Variants in FAM149A observed in about 807,000 individuals in gnomAD.
FAM149A encodes the protein protein FAM149A.
A neutral mutation model predicts 78.2 loss-of-function variants in FAM149A; 71 were observed. The observed-to-expected ratio is 0.91, with a 90% CI of 0.75 to 1.11. The LOEUF is 1.11. Ranked by LOEUF, FAM149A falls within the 50% of genes least tolerant of loss-of-function variation. The pLI is 0.00. For synonymous variants in FAM149A, 446 were observed against 410.5 expected (o/e 1.09, Z -1.04); for missense variants, 1,036 against 971.0 (o/e 1.07, Z -0.89).
At chr4:186,117,521 C>T (rs1348119138) in intron 1 of FAM149A, 1 of 985,214 alleles carries the variant, frequency 1.0e-6, no homozygotes, top group Non-Finnish European at 1.2e-6. Flanking sequence ...AAAGAATGTC[C>T]AAAAGTGGGG....
At chr4:186,139,316 A>G (rs1435600783) in intron 1 of FAM149A, among the ~76,000 whole-genome samples, 1 of 152,116 alleles carries the variant, frequency 6.6e-6, no homozygotes, top group Non-Finnish European at 1.5e-5. Flanking sequence ...GGAGAATAGT[A>G]TTTGGTGTGG....
chr4:186,157,535 C>G lies in FAM149A; in HGVS notation c.1421-30C>G, dbSNP rs1226505323. The G allele has an allele frequency of 2.5e-6, 4 of 1,602,444 alleles. No homozygotes were observed. In the African/African-American group the frequency reaches 5.4e-5, roughly 21 times the overall value. ...ATTTGTATTAGATAATCTGATGTTT[C>G]TTGTAATATTGATTCTTCTGTTGAC... On this transcript the variant is annotated intron_variant, in intron 7 of 13. Coordinates refer to ENST00000389354, the MANE Select transcript of FAM149A (RefSeq NM_001367768.3).
At chr4:186,116,856 A>T in intron 1 of FAM149A, 8 of 677,528 alleles carry the variant, frequency 1.2e-5, no homozygotes, top group South Asian at 6.7e-5. Flanking sequence ...CCTTGTGCCA[A>T]GCTCATAATG....
At chr4:186,161,583 G>A (rs1734612014) in intron 8 of FAM149A, among the ~76,000 whole-genome samples, 1 of 152,112 alleles carries the variant, frequency 6.6e-6, no homozygotes, top group Non-Finnish European at 1.5e-5. Flanking sequence ...AAAGAGCAGT[G>A]GATGAGCCTT....
chr4:186,155,859 A>G, intron 6 of FAM149A, 141 bp from the exon 7 acceptor site: 3 of 567,554 alleles, frequency 5.3e-6, no homozygotes, highest in Admixed American at 4.2e-5. Context: ...AAAATTATAT[A>G]TGTTAAAAAA....
At chr4:186,129,929 C>T (rs993582140) in intron 1 of FAM149A, 28 of 151,962 alleles carry the variant, frequency 1.8e-4, no homozygotes, top group African/African-American at 6.8e-4. Context: ...TACCAAGGGC[C>T]AGTTCATGAA....
chr4:186,171,576 A>G (rs6852180), intron 13 of FAM149A, among the ~76,000 whole-genome samples: 36,672 of 152,026 alleles, frequency 0.24, 9,543 homozygotes, highest in African/African-American at 0.66. Context: ...AGTACCTGGC[A>G]TTGCACCTGC....
intron 11 of FAM149A, 43 bp from the exon 12 acceptor site, chr4:186,166,925 G>C (rs1735080907): frequency 6.3e-7 from 1 of 1,582,018 alleles, no homozygotes; most frequent in South Asian, 1.1e-5. Flanking sequence ...TGTTTTTAAG[G>C]ATTGCATTTA....
chr4:186,168,235 G>A (rs544538602), intron 13 of FAM149A, among the ~76,000 whole-genome samples: 1 of 152,186 alleles, frequency 6.6e-6, no homozygotes, highest in African/African-American at 2.4e-5. Flanking sequence ...GTCGCTCTGG[G>A]CTGCTGGGCC....
At chr4:186,153,165 C>T (rs961212576) in intron 4 of FAM149A, 32 of 683,646 alleles carry the variant, frequency 4.7e-5, no homozygotes, top group Non-Finnish European at 2.0e-5. Flanking sequence ...ATTCTTGTCA[C>T]TGCTGTCTTA....
chr4:186,109,801 A>G, intron 1 of FAM149A: 1 of 985,022 alleles, frequency 1.0e-6, no homozygotes. Flanking sequence ...TGTGGCTGTA[A>G]TAAATGGTGT....
Position 186,105,339 on chromosome 4 carries a change from C to T in FAM149A, c.263C>T (p.Ala88Val), listed in dbSNP as rs2099308326. ...CGGGGCTCCGCCGCCAGCCGCGCCG[C>T]GGGAGCAGTGGGGACCCTGCTCTCT... Residue 88 changes from alanine to valine, a missense_variant, in exon 1 of 14, where the codon GCG (alanine) becomes GTG (valine). Ala to Val is a moderately conservative substitution (Grantham distance 64). Coordinates refer to ENST00000389354, the MANE Select transcript of FAM149A (RefSeq NM_001367768.3). The T allele has an allele frequency of 5.1e-6, 6 of 1,171,246 alleles. No individual in the cohort carries two copies. Among genetic ancestry groups the T allele is most frequent in the Non-Finnish European group, 6.4e-6 (6 of 940,516 alleles). The allele number at this position is 1,171,246 out of a possible 1,614,324, so 72.6% of individuals were successfully genotyped here.
chr4:186,125,300 G>T, intron 1 of FAM149A: 1 of 985,246 alleles, frequency 1.0e-6, no homozygotes, highest in South Asian at 4.7e-5. Context: ...CCTGCTTCTC[G>T]AACCATATCT....
intron 8 of FAM149A, among the ~76,000 whole-genome samples, chr4:186,162,372 T>C (rs1291724973): frequency 6.6e-6 from 1 of 152,160 alleles, no homozygotes; most frequent in Non-Finnish European, 1.5e-5. Flanking sequence ...CGGCCTGTGC[T>C]TCTCCCAGTT....
intron 13 of FAM149A, 61 bp from the exon 14 acceptor site, chr4:186,171,853 G>A (rs986621998): frequency 4.8e-5 from 67 of 1,408,686 alleles, no homozygotes; most frequent in Admixed American, 1.3e-4. Context: ...CAAAACAATC[G>A]TTCTGAGTGG....
Position 186,149,634 on chromosome 4 carries a change from G to T in FAM149A, c.719G>T (p.Gly240Val), listed in dbSNP as rs1179416688. Residue 240 changes from glycine (G) to valine (V), a missense_variant, in exon 3 of 14, where the codon GGG becomes GTG. Gly to Val is a moderately radical substitution (Grantham distance 109, BLOSUM62 -3). Around this residue, in one of 3 missense-constraint regions of FAM149A, gnomAD observed 716 missense variants for 711.8 expected, o/e 1.01. Transcript: ENST00000389354. ...ACGGGAGCCCACACCTCTTGGTCTG[G>T]GTCGGCCACACAGAGCTCTACCACC... 2 of 1,289,768 alleles carry T rather than the reference G, an allele frequency of 1.6e-6. No individual in the cohort carries two copies. The highest frequency in any genetic ancestry group is 2.0e-6 in the Non-Finnish European group (2 of 988,872). 79.9% of individuals were successfully genotyped at this position (1,289,768 alleles called of 1,614,324 possible). A position where few individuals can be genotyped will look rare whatever the true frequency, so the allele number is the denominator to read the frequency against.
chr4:186,120,958 A>C (rs1420024420), intron 1 of FAM149A, among the ~76,000 whole-genome samples: 10 of 137,622 alleles, frequency 7.3e-5, no homozygotes. Context: ...GATTCACGCC[A>C]TTCTCCTGCC....
At chr4:186,161,819 T>C (rs548659093) in intron 8 of FAM149A, among the ~76,000 whole-genome samples, 41 of 152,370 alleles carry the variant, frequency 2.7e-4, no homozygotes, top group Admixed American at 7.8e-4. Context: ...TACATATGAT[T>C]GTGGTTGCCA....
intron 1 of FAM149A, among the ~76,000 whole-genome samples, chr4:186,137,171 A>G (rs2126392877): frequency 1.3e-5 from 2 of 152,308 alleles, no homozygotes; most frequent in Middle Eastern, 6.8e-3. Context: ...AATCTTTGAA[A>G]GCTAAACTTT....
Sources: allele counts gnomAD v4.1 joint callset (sites outside exome capture counted in the v4.1 genomes callset), GRCh38; gene constraint gnomAD v4.1.1; regional missense constraint gnomAD v4.1.1; transcripts MANE v1.5; gene names NCBI Gene and HGNC (gene_info 2026-07-23, HGNC 2026-07-21).